The following FGD6 variants were observed in gnomAD, a reference collection of about 807,000 sequenced individuals.
FGD6 encodes the protein FYVE, RhoGEF and PH domain containing 6.
A neutral mutation model predicts 149.4 loss-of-function variants in FGD6; 90 were observed. That is an observed-to-expected ratio of 0.60 (90% confidence interval 0.51 to 0.72). The LOEUF (loss-of-function observed/expected upper bound fraction) is 0.72, where lower values mean the gene tolerates loss of function less well. Among genes scored for constraint, FGD6 ranks in the 30% least tolerant of loss-of-function variants. The probability of loss-of-function intolerance (pLI) is 0.00; values close to 1 mark genes in which losing one functional copy is unlikely to be tolerated. For missense variants in FGD6, 1,437 were observed against 1,684.8 expected (o/e 0.85, Z 2.57); for synonymous variants, 527 against 584.0 (o/e 0.90, Z 1.41).
Position 95,096,514 on chromosome 12 carries a change from G to A in FGD6, c.3498-1820C>T, listed in dbSNP as rs1457714694. On this transcript the variant is annotated intron_variant, in intron 14 of 20. Coordinates refer to ENST00000343958, the MANE Select transcript of FGD6 (RefSeq NM_018351.4). ...CAAACAAAACCCTGCCTTATTTACC[G>A]CTACTATTCTAGCATTACTGCCAAA... 5.9e-5 allele frequency among the ~76,000 whole-genome samples: 9 copies of A among 152,022 alleles called. No homozygotes were observed. In the East Asian group the frequency reaches 1.2e-3, roughly 20 times the overall value.
chr12:95,121,484 T>G (rs1423478641), intron 8 of FGD6, among the ~76,000 whole-genome samples: 921 of 21,364 alleles, frequency 0.043, 16 homozygotes, highest in African/African-American at 0.098. Flanking sequence ...TATATATGTA[T>G]ATATATATAT....
At chr12:95,150,234 G>A (rs911333726) in intron 5 of FGD6, among the ~76,000 whole-genome samples, 6 of 151,876 alleles carry the variant, frequency 4.0e-5, no homozygotes, top group Admixed American at 2.6e-4. Flanking sequence ...CTCCATGTTG[G>A]TCAGGCTGTC....
intron 2 of FGD6, among the ~76,000 whole-genome samples, chr12:95,192,197 T>C (rs1359627855): frequency 2.0e-5 from 3 of 152,178 alleles, no homozygotes; most frequent in African/African-American, 7.2e-5. Context: ...ATTTTTTCAA[T>C]AAGCAGCTTA....
At chr12:95,216,668 GCAAAA>G (rs1565930298) in intron 1 of FGD6, among the ~76,000 whole-genome samples, 1 of 10,534 alleles carries the variant, frequency 9.5e-5, no homozygotes, top group Non-Finnish European at 1.7e-4. Flanking sequence ...GTGCAGACAA[GCAAAA>G]AAAAAAAAAA....
intron 5 of FGD6, among the ~76,000 whole-genome samples, chr12:95,152,191 T>C (rs1880329035): frequency 6.6e-6 from 1 of 152,004 alleles, no homozygotes; most frequent in African/African-American, 2.4e-5. Context: ...CTGGGCATGG[T>C]GGTGAGTGCC....
chr12:95,092,092 G>A (rs111827954), intron 16 of FGD6, among the ~76,000 whole-genome samples: 273 of 152,252 alleles, frequency 1.8e-3, no homozygotes, highest in African/African-American at 5.8e-3. Flanking sequence ...GCTTAGAACC[G>A]TACCTGGCAT....
At chr12:95,181,259 T>C (rs1289435918) in intron 2 of FGD6, among the ~76,000 whole-genome samples, 1 of 152,160 alleles carries the variant, frequency 6.6e-6, no homozygotes, top group Non-Finnish European at 1.5e-5. Context: ...AACAGCAACA[T>C]AATAATAGGG....
chr12:95,084,447 T>TA (rs779287667), intron 20 of FGD6, 51 bp downstream of exon 20: 110 of 1,445,512 alleles, frequency 7.6e-5, no homozygotes, highest in East Asian at 7.7e-5. Context: ...AAGCAACCAT[T>TA]AAAAAACTGA....
chr12:95,205,633 T>G (rs1425752911), intron 2 of FGD6, among the ~76,000 whole-genome samples: 3 of 152,244 alleles, frequency 2.0e-5, no homozygotes, highest in Non-Finnish European at 4.4e-5. Context: ...ACAGGACCCT[T>G]TGAGCTCACC....
In FGD6 at chr12:95,211,029, T is replaced by C; in HGVS notation, c.255A>G (p.Glu85=). The C allele has an allele frequency of 6.2e-7, 1 of 1,614,188 alleles. No individual in the cohort carries two copies. Among genetic ancestry groups the C allele is most frequent in the Admixed American group, 1.7e-5 (1 of 60,020 alleles). ...IMLNLEGHKQ[E]LAESTDNFNC... ...TAAAGTTGTCAGTGCTTTCAGCTAATTCCTGTTTATGCCCTTCCAGGTTCA... is the reference window on the plus strand; with the variant it reads ...TAAAGTTGTCAGTGCTTTCAGCTAACTCCTGTTTATGCCCTTCCAGGTTCA... Residue 85 remains glutamate (E), a synonymous_variant, in exon 2 of 21, where the codon GAA becomes GAG. Coordinates refer to ENST00000343958, the MANE Select transcript of FGD6 (RefSeq NM_018351.4).
At position 95,209,660 on chromosome 12, in the gene FGD6, G is replaced by T. The variant is rs752489334; in HGVS notation, c.1624C>A (p.Gln542Lys). Residue 542 changes from glutamine to lysine, a missense_variant, in exon 2 of 21, where the codon CAG becomes AAG. Physicochemically the swap from Gln to Lys is moderately conservative, Grantham distance 53. Coordinates refer to ENST00000343958, the MANE Select transcript of FGD6 (RefSeq NM_018351.4). ...CCACGGTTTTGGGCACACAAATGCT[G>T]AAGGTGATTTCTTTCTAGACTCTTC... is the stretch of plus-strand genomic sequence containing the variant. The part of the protein sequence containing the change: ...SEKSLERNHL[Q>K]HLCAQNRGVS... 6.2e-7 allele frequency: 1 copy of T among 1,613,244 alleles called. No homozygotes were observed. Among genetic ancestry groups the T allele is most frequent in the East Asian group, 2.2e-5 (1 of 44,886 alleles).
At chr12:95,104,729 T>C (rs1021051851) in intron 14 of FGD6, among the ~76,000 whole-genome samples, 3 of 152,026 alleles carry the variant, frequency 2.0e-5, no homozygotes, top group African/African-American at 7.2e-5. Flanking sequence ...AGGGGTGAGC[T>C]ACCACACCTG....
chr12:95,116,490 C>T (rs1053542452), intron 8 of FGD6, among the ~76,000 whole-genome samples: 1 of 152,138 alleles, frequency 6.6e-6, no homozygotes, highest in Non-Finnish European at 1.5e-5. Flanking sequence ...AAGGGCTCCC[C>T]AGAAGATGTC....
At chr12:95,100,541 C>T (rs769711618) in intron 14 of FGD6, 21 of 356,812 alleles carry the variant, frequency 5.9e-5, no homozygotes, top group Non-Finnish European at 9.7e-5. Flanking sequence ...GCTCCCAACT[C>T]GGAGGCTAAT....
Position 95,134,743 on chromosome 12 carries a change from C to T in FGD6, c.3078G>A (p.Leu1026=). 5.6e-6 allele frequency: 9 copies of T among 1,613,584 alleles called. No individual in the cohort carries two copies. The highest frequency in any genetic ancestry group is 7.6e-6 in the Non-Finnish European group (9 of 1,179,858). ...VQRIPQYRLL[L]TDYLKNLIED... ...CAAAATGCTGGAGAAGCCCACCTGT[C>T]AGCAACAGCCTGTACTGGGGGATCC... The change falls in exon 8 of 21, where the codon CTG becomes CTA. Residue 1026 remains leucine, a synonymous_variant. Transcript: ENST00000343958.
At chr12:95,120,086 G>T (rs35703403) in intron 8 of FGD6, among the ~76,000 whole-genome samples, 1 of 151,690 alleles carries the variant, frequency 6.6e-6, no homozygotes, top group African/African-American at 2.4e-5. Context: ...AAAGTTAGCC[G>T]GGTGTGGTGG....
In FGD6 at chr12:95,210,072, C is replaced by T; in HGVS notation, c.1212G>A (p.Met404Ile). 1 of 1,614,164 alleles carries T rather than the reference C, an allele frequency of 6.2e-7. No individual in the cohort carries two copies. Residue 404 changes from methionine (M) to isoleucine (I), a missense_variant, in exon 2 of 21, where the codon ATG becomes ATA. Physicochemically the swap from Met to Ile is conservative, Grantham distance 10. Transcript: ENST00000343958. ...TTTCAAAGGAAGTTGTTTCATTACACATGGCTTTCTGTGAATTGACTAAGT... is the reference window on the plus strand; with the variant it reads ...TTTCAAAGGAAGTTGTTTCATTACATATGGCTTTCTGTGAATTGACTAAGT... Reference protein sequence around the residue: ...AQDLVNSQKAMCNETTSFEKM... With the variant: ...AQDLVNSQKAICNETTSFEKM...
At chr12:95,184,667 C>A (rs917110312) in intron 2 of FGD6, among the ~76,000 whole-genome samples, 1 of 151,868 alleles carries the variant, frequency 6.6e-6, no homozygotes, top group African/African-American at 2.4e-5. Flanking sequence ...CTGCAACCTC[C>A]GCCTCCCAGG....
chr12:95,084,561 T>A lies in FGD6; in HGVS notation c.4193A>T (p.Gln1398Leu). ...AAATAACATGTTTTTGTGCAGTAAC[T>A]GAAATACTTTAGACTCGGAATTCTC... Reference protein sequence around the residue: ...KDENSESKVFQLLHKNMLFYV... With the variant: ...KDENSESKVFLLLHKNMLFYV... The change falls in exon 20 of 21, where the codon CAG becomes CTG. Residue 1398 changes from glutamine to leucine, a missense_variant. This residue lies in a region of FGD6 where 382 missense variants were observed against 538.7 expected (regional missense o/e 0.71). Coordinates refer to ENST00000343958, the MANE Select transcript of FGD6 (RefSeq NM_018351.4). The A allele has an allele frequency of 6.2e-7, 1 of 1,605,896 alleles. No individual in the cohort carries two copies. The highest frequency in any genetic ancestry group is 8.5e-7 in the Non-Finnish European group (1 of 1,177,214).
Sources: gnomAD v4.1 joint callset for allele counts (sites outside exome capture counted in the v4.1 genomes callset) on GRCh38, gnomAD v4.1.1 for gene constraint, gnomAD v4.1.1 regional missense constraint, MANE v1.5 for transcripts, NCBI Gene and HGNC (gene_info 2026-07-23, HGNC 2026-07-21) for gene names.